The following ADAMDEC1 variants were observed in gnomAD, a reference collection of about 807,000 sequenced individuals.
ADAMDEC1 encodes ADAM like decysin 1.
In ADAMDEC1, 62 loss-of-function variants were observed where a neutral mutation model predicts 60.4. The observed-to-expected ratio is 1.03, with a 90% CI of 0.84 to 1.27. The LOEUF (loss-of-function observed/expected upper bound fraction) is 1.27, where lower values mean the gene tolerates loss of function less well. ADAMDEC1 is among the 50% of genes most tolerant of loss of function. ADAMDEC1 has a pLI of 0.00. For missense variants in ADAMDEC1, 595 were observed against 565.0 expected (o/e 1.05, Z -0.54); for synonymous variants, 210 against 195.1 (o/e 1.08, Z -0.64).
Position 24,397,441 on chromosome 8 carries a change from A to T in ADAMDEC1, c.612A>T (p.Ser204=). 6.2e-7 allele frequency: 1 copy of T among 1,613,494 alleles called. No homozygotes were observed. The highest frequency in any genetic ancestry group is 1.1e-5 in the South Asian group (1 of 91,008). The change falls in exon 6 of 14, where the codon TCA becomes TCT. Residue 204 remains serine (S), a synonymous_variant. Coordinates refer to ENST00000256412, the MANE Select transcript of ADAMDEC1 (RefSeq NM_014479.3). ...AAGGCCCAATTCGAATCTCTAGATC[A>T]CTCAAAAGCCCAGAGGTGAATACAA... ...GKQGPIRISR[S]LKSPEKEDFL...
In ADAMDEC1 at chr8:24,398,869, C is replaced by T; in HGVS notation, c.763-5C>T. The T allele has an allele frequency of 1.9e-6, 3 of 1,610,652 alleles. No homozygotes were observed. The highest frequency in any genetic ancestry group is 2.5e-6 in the Non-Finnish European group (3 of 1,179,072). On this transcript the variant is annotated splice_polypyrimidine_tract_variant and splice_region_variant and intron_variant, in intron 8 of 13. Coordinates refer to ENST00000256412, the MANE Select transcript of ADAMDEC1 (RefSeq NM_014479.3). ...TTTTTATGAAGATAAATGCTCTTTC[C>T]ACAGATATATAACACCATAGATGTT...
chr8:24,396,179 A>C (rs987595533), intron 5 of ADAMDEC1, among the ~76,000 whole-genome samples: 1 of 152,288 alleles, frequency 6.6e-6, no homozygotes, highest in Non-Finnish European at 1.5e-5. Context: ...AATTATTGCC[A>C]ATGAGAGAAA....
At chr8:24,392,589 A>G (rs1222093029) in intron 2 of ADAMDEC1, among the ~76,000 whole-genome samples, 2 of 152,176 alleles carry the variant, frequency 1.3e-5, no homozygotes, top group African/African-American at 4.8e-5. Flanking sequence ...GCCTCACTTG[A>G]TAAGAAAGGA....
At chr8:24,398,842 C>T (rs757983695) in intron 8 of ADAMDEC1, 32 bp from the exon 9 acceptor site, 3 of 1,603,634 alleles carry the variant, frequency 1.9e-6, no homozygotes, top group East Asian at 2.2e-5. Flanking sequence ...GAATCCTGAA[C>T]ATTTTTATGA....
chr8:24,392,898 T>G (rs185141717), intron 2 of ADAMDEC1, among the ~76,000 whole-genome samples: 5,869 of 146,590 alleles, frequency 0.04, 193 homozygotes, highest in East Asian at 0.12. Flanking sequence ...TTTTTTTTTT[T>G]TTTTTTTTTT....
chr8:24,397,394 G>A lies in ADAMDEC1; in HGVS notation c.565G>A (p.Val189Met). The change falls in exon 6 of 14, where the codon GTG becomes ATG. Residue 189 changes from valine to methionine, a missense_variant. Physicochemically the swap from Val to Met is conservative, Grantham distance 21. Transcript: ENST00000256412. Reference protein sequence around the residue: ...EQDPANHTCGVKSTDGKQGPI... With the variant: ...EQDPANHTCGMKSTDGKQGPI... ...AGACCCAGCTAACCACACATGTGGT[G>A]TGAAGAGCACTGACGGGAAACAAGG... 6.2e-7 allele frequency: 1 copy of A among 1,614,090 alleles called. No individual in the cohort carries two copies. Among genetic ancestry groups the A allele is most frequent in the Middle Eastern group, 1.7e-4 (1 of 6,056 alleles).
chr8:24,389,093 A>C (rs1032069627), intron 1 of ADAMDEC1, among the ~76,000 whole-genome samples: 1 of 152,158 alleles, frequency 6.6e-6, no homozygotes, highest in Non-Finnish European at 1.5e-5. Context: ...TTACACAAGG[A>C]AAAATGGATA....
intron 4 of ADAMDEC1, among the ~76,000 whole-genome samples, chr8:24,395,266 C>T (rs1031939887): frequency 1.3e-5 from 2 of 152,198 alleles, no homozygotes; most frequent in African/African-American, 4.8e-5. Context: ...TCTCATTTTA[C>T]TTATTTGTAA....
At position 24,402,108 on chromosome 8, in the gene ADAMDEC1, A is replaced by C; in HGVS notation, c.1320+16A>C. ...CTCTCCTAAGGTATTATTTATTAGA[A>C]TTATTGGGGCAGAAGAATTATGCAG... is the stretch of plus-strand genomic sequence containing the variant. On this transcript the variant is annotated intron_variant, in intron 12 of 13. Transcript: ENST00000256412. 6.4e-7 allele frequency: 1 copy of C among 1,566,988 alleles called. No individual in the cohort carries two copies. Among genetic ancestry groups the C allele is most frequent in the Non-Finnish European group, 8.6e-7 (1 of 1,156,194 alleles).
chr8:24,401,569 C>A (rs896059583), intron 11 of ADAMDEC1, among the ~76,000 whole-genome samples: 2 of 152,120 alleles, frequency 1.3e-5, no homozygotes, highest in Admixed American at 1.3e-4. Context: ...TTATCTCTTG[C>A]CCCTCAATTC....
chr8:24,390,710 ACT>A (rs1156881876), intron 1 of ADAMDEC1, among the ~76,000 whole-genome samples: 4 of 129,120 alleles, frequency 3.1e-5, no homozygotes, highest in African/African-American at 1.2e-4. Flanking sequence ...ACAGAGCGAG[ACT>A]CTGTCTCAAA....
At position 24,400,339 on chromosome 8, in the gene ADAMDEC1, C is replaced by T. The variant is rs116311320; in HGVS notation, c.1142+39C>T. 4.9e-4 allele frequency: 765 copies of T among 1,555,788 alleles called. 5 individuals carry two copies. In the African/African-American group the frequency reaches 9.6e-3, roughly 20 times the overall value. ...ATCCTAAAAGGAGAGAGATATTTTC[C>T]AAATCTTTTTTTTTTCTGAAGACAC... On this transcript the variant is annotated intron_variant, in intron 11 of 13. Transcript: ENST00000256412.
rs925947890 is a variant in ADAMDEC1, at chr8:24,402,199, A to G, written c.1320+107A>G. 203 of 1,034,346 alleles carry G rather than the reference A, an allele frequency of 2.0e-4. 1 individual carries two copies. The highest frequency in any genetic ancestry group is 2.7e-4 in the Middle Eastern group (1 of 3,752). 64.1% of individuals were successfully genotyped at this position (1,034,346 alleles called of 1,614,324 possible). ...TAAAGACAAACTTGGCATCGTAGTT[A>G]AAAAGGAGATTTGTGCTTGTGTTTT... On this transcript the variant is annotated intron_variant, in intron 12 of 13. Coordinates refer to ENST00000256412, the MANE Select transcript of ADAMDEC1 (RefSeq NM_014479.3).
chr8:24,384,357 T>G lies in ADAMDEC1; in HGVS notation c.-148T>G, dbSNP rs1585797928. 8.1e-6 allele frequency: 5 copies of G among 617,712 alleles called. No individual in the cohort carries two copies. The highest frequency in any genetic ancestry group is 1.4e-5 in the Non-Finnish European group (5 of 359,698). The allele number at this position is 617,712 out of a possible 1,614,324, so 38.3% of individuals were successfully genotyped here. The stretch of plus-strand genomic sequence containing the variant: ...AAAGATGAGGAACATTCTCATGATG[T>G]TGACACTGCAATTTTTTGACAATTT... On this transcript the variant is annotated 5_prime_UTR_variant, in exon 1 of 14. Transcript: ENST00000256412.
Position 24,394,080 on chromosome 8 carries a change from G to C in ADAMDEC1, c.296G>C (p.Gly99Ala), listed in dbSNP as rs1318356822. The C allele has an allele frequency of 7.4e-6, 12 of 1,612,656 alleles. No homozygotes were observed. The highest frequency in any genetic ancestry group is 9.3e-6 in the Non-Finnish European group (11 of 1,179,012). Residue 99 changes from glycine to alanine, a missense_variant, in exon 4 of 14, where the codon GGG becomes GCG. Physicochemically the swap from Gly to Ala is moderately conservative, Grantham distance 60. Coordinates refer to ENST00000256412, the MANE Select transcript of ADAMDEC1 (RefSeq NM_014479.3). Reference protein sequence around the residue: ...LSLQKTKHLLGPDYTETLYSP... With the variant: ...LSLQKTKHLLAPDYTETLYSP... ...TCTGCTCTCTACAGGCACCTCCTGG[G>C]GCCAGACTACACTGAAACATTGTAC...
At chr8:24,398,150 A>G (rs1021566220) in intron 7 of ADAMDEC1, among the ~76,000 whole-genome samples, 1 of 151,676 alleles carries the variant, frequency 6.6e-6, no homozygotes, top group Non-Finnish European at 1.5e-5. Context: ...AAATACTAGA[A>G]TCTACATTTC....
chr8:24,395,327 G>T (rs1242733337), intron 4 of ADAMDEC1, among the ~76,000 whole-genome samples: 1 of 152,190 alleles, frequency 6.6e-6, no homozygotes, highest in Non-Finnish European at 1.5e-5. Context: ...CTTGAGCACT[G>T]ACCCCCAAAC....
intron 1 of ADAMDEC1, 30 bp downstream of exon 1, chr8:24,384,622 A>G (rs1322664920): frequency 1.9e-6 from 3 of 1,571,196 alleles, no homozygotes; most frequent in Non-Finnish European, 2.6e-6. Context: ...CATTTTACAT[A>G]AAAGTCAAAT....
intron 3 of ADAMDEC1, 114 bp downstream of exon 3, chr8:24,393,452 G>T: frequency 1.6e-6 from 1 of 633,616 alleles, no homozygotes; most frequent in Non-Finnish European, 2.7e-6. Flanking sequence ...GGCATTTTGA[G>T]CTTTAGATGA....
Sources: allele counts gnomAD v4.1 joint callset (sites outside exome capture counted in the v4.1 genomes callset), GRCh38; gene constraint gnomAD v4.1.1; transcripts MANE v1.5; gene names NCBI Gene and HGNC (gene_info 2026-07-23, HGNC 2026-07-21).